NRXN3: variants seen among roughly 807,000 people sequenced by gnomAD.
The protein encoded by NRXN3 is neurexin III.
NRXN3 carries 32 observed loss-of-function variants against 137.6 expected under a neutral mutation model. The observed-to-expected ratio is 0.23, with a 90% CI of 0.18 to 0.31. NRXN3 has a LOEUF of 0.31. NRXN3 is among the 10% of genes least tolerant of loss of function. The pLI is 1.00. For synonymous variants in NRXN3, 798 were observed against 784.5 expected (o/e 1.02, Z -0.29); for missense variants, 1,574 against 2,062.5 (o/e 0.76, Z 4.59).
chr14:78,858,556 G>T (rs1269587747), intron 10 of NRXN3, among the ~76,000 whole-genome samples: 1 of 152,156 alleles, frequency 6.6e-6, no homozygotes, highest in Admixed American at 6.5e-5. Context: ...CCAAAAAGAT[G>T]TAAGTAAAGG....
At chr14:79,252,302 C>A (rs552066575) in intron 15 of NRXN3, among the ~76,000 whole-genome samples, 2 of 152,134 alleles carry the variant, frequency 1.3e-5, no homozygotes, top group Non-Finnish European at 2.9e-5. Flanking sequence ...CAAGAGAAAA[C>A]CTTTCAGACA....
At chr14:78,228,074 A>G (rs2064909728) in intron 1 of NRXN3, among the ~76,000 whole-genome samples, 1 of 151,808 alleles carries the variant, frequency 6.6e-6, no homozygotes, top group Non-Finnish European at 1.5e-5. Context: ...AGATGGGGAG[A>G]GTGAAGAATT....
At chr14:78,688,506 T>C (rs2098141837) in intron 6 of NRXN3, among the ~76,000 whole-genome samples, 1 of 152,086 alleles carries the variant, frequency 6.6e-6, no homozygotes, top group Non-Finnish European at 1.5e-5. Context: ...TAAAGGGGGC[T>C]GAGAAGAGAA....
chr14:78,362,802 G>A (rs1208475139), intron 4 of NRXN3, among the ~76,000 whole-genome samples: 3 of 152,204 alleles, frequency 2.0e-5, no homozygotes, highest in African/African-American at 7.2e-5. Context: ...CTAAAATGAT[G>A]AAAAGATGCT....
intron 10 of NRXN3, among the ~76,000 whole-genome samples, chr14:78,816,536 G>A (rs1200077658): frequency 2.0e-5 from 3 of 151,716 alleles, no homozygotes; most frequent in Non-Finnish European, 4.4e-5. Context: ...ATTTTAGGGG[G>A]GTGCTATATT....
chr14:79,705,837 C>T (rs141747133), intron 19 of NRXN3, among the ~76,000 whole-genome samples: 58 of 152,266 alleles, frequency 3.8e-4, no homozygotes, highest in East Asian at 1.4e-3. Flanking sequence ...GACATTATAG[C>T]TCACATTTAT....
At chr14:78,954,379 C>CT (rs199634587) in intron 10 of NRXN3, among the ~76,000 whole-genome samples, 109 of 151,510 alleles carry the variant, frequency 7.2e-4, no homozygotes, top group Middle Eastern at 6.8e-3. Context: ...GGATGTGAAT[C>CT]TTTTTTTTTC....
intron 4 of NRXN3, among the ~76,000 whole-genome samples, chr14:78,482,509 G>T (rs1380460895): frequency 6.6e-6 from 1 of 152,166 alleles, no homozygotes; most frequent in Non-Finnish European, 1.5e-5. Flanking sequence ...ATGCAGTCAG[G>T]ACGTAGCGGT....
chr14:79,030,633 G>GTTTTT (rs1595130030), intron 15 of NRXN3, among the ~76,000 whole-genome samples: 3 of 34,258 alleles, frequency 8.8e-5, no homozygotes, highest in African/African-American at 3.8e-4. Context: ...CTTTCTCTGT[G>GTTTTT]TCTTTTTTTT....
In NRXN3 at chr14:78,754,881, C is replaced by T. The variant is rs796818776; in HGVS notation, c.2044+39742C>T. ...AGAGTCTCACTGTGTTGCCCTGTAT[C>T]CACACCTTTTTATAATATGCTTTTG... On this transcript the variant is annotated intron_variant, in intron 8 of 20. Transcript: ENST00000335750. Among the ~76,000 whole-genome samples the T allele has an allele frequency of 9.0e-4, 135 of 149,690 alleles. 1 individual carries two copies. Among genetic ancestry groups the T allele is most frequent in the African/African-American group, 3.3e-3 (132 of 40,438 alleles).
At chr14:79,744,365 G>A (rs574875014) in intron 19 of NRXN3, among the ~76,000 whole-genome samples, 40 of 152,218 alleles carry the variant, frequency 2.6e-4, no homozygotes, top group African/African-American at 6.5e-4. Context: ...CAGTCACAAC[G>A]CTTTAATGTG....
intron 16 of NRXN3, among the ~76,000 whole-genome samples, chr14:79,639,947 G>GCCCTTCACAGA (rs1567748976): frequency 1.5e-4 from 20 of 135,976 alleles, no homozygotes; most frequent in South Asian, 6.9e-4. Flanking sequence ...CCCAAGAAGT[G>GCCCTTCACAGA]GTTTCAGTAT....
chr14:78,285,841 C>T (rs1014134086), intron 3 of NRXN3, among the ~76,000 whole-genome samples: 1 of 152,190 alleles, frequency 6.6e-6, no homozygotes, highest in African/African-American at 2.4e-5. Flanking sequence ...GGAAATCTAC[C>T]TCCATTGCGT....
rs201281718 is a variant in NRXN3 at position 79,506,668 on chromosome 14, T to G, written c.3444+39266T>G. ...TAACTTAGGCAGCATTGAATTTCATTTTTTTTTCTCCTTAGTCTTTCTGTT... is the reference window on the plus strand; with the variant it reads ...TAACTTAGGCAGCATTGAATTTCATGTTTTTTTCTCCTTAGTCTTTCTGTT... On this transcript the variant is annotated intron_variant, in intron 16 of 20. Coordinates refer to ENST00000335750, the MANE Select transcript of NRXN3 (RefSeq NM_001330195.2). Among the ~76,000 whole-genome samples, 33 of 152,328 alleles carry G rather than the reference T, an allele frequency of 2.2e-4. No individual in the cohort carries two copies. In the East Asian group the frequency reaches 6.2e-3, roughly 29 times the overall value.
At chr14:79,719,339 A>G (rs750764817) in intron 19 of NRXN3, among the ~76,000 whole-genome samples, 2 of 120,090 alleles carry the variant, frequency 1.7e-5, no homozygotes, top group Non-Finnish European at 3.7e-5. Context: ...ATATATATGT[A>G]TATATACACA....
intron 10 of NRXN3, among the ~76,000 whole-genome samples, chr14:78,906,876 A>G (rs572829509): frequency 6.6e-6 from 1 of 152,026 alleles, no homozygotes; most frequent in Admixed American, 6.6e-5. Context: ...TATTTTAGAA[A>G]AATAGGGAAG....
intron 7 of NRXN3, 175 bp downstream of exon 7, chr14:78,709,830 G>A: frequency 1.6e-6 from 1 of 615,140 alleles, no homozygotes; most frequent in South Asian, 2.0e-5. Context: ...CTCATAGATG[G>A]CTCACATTCT....
rs1180558472 is a variant in NRXN3 at position 79,866,987 on chromosome 14, G to A, written c.*5023G>A. 1.3e-5 allele frequency: 2 copies of A among 152,118 alleles called. No individual in the cohort carries two copies. Among genetic ancestry groups the A allele is most frequent in the African/African-American group, 4.8e-5 (2 of 41,412 alleles). The allele number at this position is 152,118 out of a possible 1,614,324, so 9.4% of individuals were successfully genotyped here. On this transcript the variant is annotated 3_prime_UTR_variant, in exon 21 of 21. Coordinates refer to ENST00000335750, the MANE Select transcript of NRXN3 (RefSeq NM_001330195.2). ...AAAGATCTCTAAATATCAGTAAGGG[G>A]TTAGCTGCCATTAATAATACAACTT...
chr14:79,051,114 T>C (rs1371151159), intron 15 of NRXN3, among the ~76,000 whole-genome samples: 2 of 152,164 alleles, frequency 1.3e-5, no homozygotes, highest in African/African-American at 2.4e-5. Context: ...TTGCTAGTGA[T>C]AGAGCCAGAA....
Sources: gnomAD v4.1 joint callset for allele counts (sites outside exome capture counted in the v4.1 genomes callset) on GRCh38, gnomAD v4.1.1 for gene constraint, MANE v1.5 for transcripts, NCBI Gene and HGNC (gene_info 2026-07-23, HGNC 2026-07-21) for gene names.